The following SMC6 variants were observed in gnomAD, a reference collection of about 807,000 sequenced individuals.
The protein encoded by SMC6 is structural maintenance of chromosomes 6, also known as structural maintenance of chromosomes protein 6.
Under a neutral mutation model 142.2 loss-of-function variants are expected in SMC6, and 79 were observed. The ratio of observed to expected loss-of-function variants is 0.56; its 90% CI spans 0.46 to 0.67. The LOEUF is 0.67. Ranked by LOEUF, SMC6 falls within the 30% of genes least tolerant of loss-of-function variation. The pLI is 0.00. For missense variants in SMC6, 1,072 were observed against 1,284.0 expected, an observed-to-expected ratio of 0.83 and a Z score of 2.52; for synonymous variants, 411 against 412.4, an observed-to-expected ratio of 1.00 and a Z score of 0.04.
chr2:17,697,614 A>G (rs1216548609), intron 21 of SMC6, among the ~76,000 whole-genome samples: 1 of 152,126 alleles, frequency 6.6e-6, no homozygotes, highest in Non-Finnish European at 1.5e-5. Flanking sequence ...AGTATTAGCC[A>G]TAAGGAAAAT....
chr2:17,734,989 C>T (rs756432711), intron 5 of SMC6, among the ~76,000 whole-genome samples: 6 of 151,936 alleles, frequency 3.9e-5, no homozygotes, highest in Non-Finnish European at 8.8e-5. Flanking sequence ...AACTCGGGCT[C>T]GAAAGTGCCA....
In SMC6 at chr2:17,695,457, T is replaced by C. The variant is rs182410150; in HGVS notation, c.2533-160A>G. On this transcript the variant is annotated intron_variant, in intron 22 of 27. Transcript: ENST00000448223. ...ATGTTATTTATATTTATCTAAGTTT[T>C]ATATTGAAGATAAAGTCCAGAGTAA... Among the ~76,000 whole-genome samples, 123 of 152,298 alleles carry C rather than the reference T, an allele frequency of 8.1e-4. 1 individual carries two copies. The highest frequency in any genetic ancestry group is 3.7e-3 in the Admixed American group (56 of 15,294).
chr2:17,715,717 A>G (rs1363567507), intron 15 of SMC6, among the ~76,000 whole-genome samples: 2 of 152,110 alleles, frequency 1.3e-5, no homozygotes, highest in African/African-American at 4.8e-5. Flanking sequence ...CCAAAATAGA[A>G]ACTAAGAAAG....
At chr2:17,682,047 T>A (rs1253836759) in intron 24 of SMC6, 1 of 152,212 alleles carries the variant, frequency 6.6e-6, no homozygotes, top group African/African-American at 2.4e-5. Context: ...TCTTACTGCA[T>A]CTGGAACAGA....
Position 17,675,968 on chromosome 2 carries a change from C to T in SMC6, c.2910+2891G>A, listed in dbSNP as rs59156372. Among the ~76,000 whole-genome samples, 330 of 152,194 alleles carry T rather than the reference C, an allele frequency of 2.2e-3. 1 individual carries two copies. Among genetic ancestry groups the T allele is most frequent in the African/African-American group, 7.7e-3 (321 of 41,556 alleles). ...CTTTCTGCTCATTCTTTGTTCTATC[C>T]TATCGGGACTCCAATTATGTTAAAC... On this transcript the variant is annotated intron_variant, in intron 25 of 27. Coordinates refer to ENST00000448223, the MANE Select transcript of SMC6 (RefSeq NM_001142286.2).
At chr2:17,677,767 G>A (rs185586838) in intron 25 of SMC6, among the ~76,000 whole-genome samples, 216 of 152,124 alleles carry the variant, frequency 1.4e-3, no homozygotes, top group Admixed American at 3.6e-3. Flanking sequence ...AAAACCAAAG[G>A]CAGGTAAAGA....
At chr2:17,713,552 C>T (rs551501707) in intron 16 of SMC6, 5 of 471,010 alleles carry the variant, frequency 1.1e-5, no homozygotes, top group African/African-American at 8.0e-5. Flanking sequence ...CAGGCCCCAC[C>T]AGAATGGCCA....
intron 9 of SMC6, among the ~76,000 whole-genome samples, chr2:17,722,161 T>C (rs1669401764): frequency 6.6e-6 from 1 of 152,066 alleles, no homozygotes; most frequent in African/African-American, 2.4e-5. Context: ...TCATACACCC[T>C]GCCACCATAT....
intron 3 of SMC6, among the ~76,000 whole-genome samples, chr2:17,742,188 T>C (rs911014554): frequency 6.6e-6 from 1 of 152,216 alleles, no homozygotes. Context: ...GCTATCCAAT[T>C]GGCATAGTAA....
At chr2:17,704,574 G>A (rs1221195263) in intron 18 of SMC6, among the ~76,000 whole-genome samples, 1 of 152,112 alleles carries the variant, frequency 6.6e-6, no homozygotes, top group African/African-American at 2.4e-5. Context: ...TGGTCTGGGG[G>A]ATATTCCCTG....
intron 19 of SMC6, among the ~76,000 whole-genome samples, chr2:17,702,430 A>G (rs1325626621): frequency 6.6e-6 from 1 of 152,240 alleles, no homozygotes; most frequent in African/African-American, 2.4e-5. Flanking sequence ...AAAAACTGAT[A>G]TAACTATTTA....
At chr2:17,695,575 C>A (rs1310354437) in intron 22 of SMC6, among the ~76,000 whole-genome samples, 1 of 152,224 alleles carries the variant, frequency 6.6e-6, no homozygotes, top group East Asian at 1.9e-4. Context: ...GCAGCAGTTA[C>A]GAAAAGCTTG....
At chr2:17,676,317 C>T (rs932450154) in intron 25 of SMC6, among the ~76,000 whole-genome samples, 29 of 152,026 alleles carry the variant, frequency 1.9e-4, no homozygotes, top group Non-Finnish European at 1.2e-4. Flanking sequence ...TACTAGTCTG[C>T]TTTCTCTTGT....
At chr2:17,740,118 T>G (rs1025019693) in intron 4 of SMC6, among the ~76,000 whole-genome samples, 4 of 152,278 alleles carry the variant, frequency 2.6e-5, no homozygotes, top group African/African-American at 9.6e-5. Context: ...GCCTCCACTA[T>G]TTGCATTATT....
intron 23 of SMC6, among the ~76,000 whole-genome samples, chr2:17,692,360 A>G (rs1667772332): frequency 6.6e-6 from 1 of 152,220 alleles, no homozygotes. Context: ...AAACAGAGAT[A>G]TAGACCAATG....
At chr2:17,747,869 C>A (rs1374374921) in intron 2 of SMC6, among the ~76,000 whole-genome samples, 1 of 152,198 alleles carries the variant, frequency 6.6e-6, no homozygotes, top group African/African-American at 2.4e-5. Context: ...GCAATGACAT[C>A]TCACAAGCCA....
intron 25 of SMC6, among the ~76,000 whole-genome samples, chr2:17,677,205 C>G (rs565011510): frequency 2.6e-5 from 4 of 152,198 alleles, no homozygotes; most frequent in South Asian, 2.1e-4. Context: ...TCCAAACGTA[C>G]AATATTTCAC....
intron 23 of SMC6, among the ~76,000 whole-genome samples, chr2:17,684,378 AT>A (rs1667356635): frequency 6.6e-6 from 1 of 152,252 alleles, no homozygotes; most frequent in African/African-American, 2.4e-5. Flanking sequence ...AATTAAAAAA[AT>A]AAGTAACAAA....
At chr2:17,715,599 C>T (rs546659370) in intron 15 of SMC6, among the ~76,000 whole-genome samples, 2 of 151,890 alleles carry the variant, frequency 1.3e-5, no homozygotes, top group Admixed American at 6.6e-5. Context: ...AAGATAACCC[C>T]CCAAGAACAC....
Sources: gnomAD v4.1 joint callset for allele counts (sites outside exome capture counted in the v4.1 genomes callset) on GRCh38, gnomAD v4.1.1 for gene constraint, MANE v1.5 for transcripts, NCBI Gene and HGNC (gene_info 2026-07-23, HGNC 2026-07-21) for gene names.